BCL11B: variants seen among roughly 807,000 people sequenced by gnomAD.
The protein encoded by BCL11B is BCL11 transcription factor B, also known as B-cell lymphoma/leukemia 11B.
In BCL11B, 8 loss-of-function variants were observed where a neutral mutation model predicts 49.9. The ratio of observed to expected loss-of-function variants is 0.16; its 90% CI spans 0.09 to 0.29. The LOEUF (loss-of-function observed/expected upper bound fraction) is 0.29. Ranked by LOEUF, BCL11B falls within the 10% of genes least tolerant of loss-of-function variation. The pLI, the probability that BCL11B is intolerant of heterozygous loss-of-function variation, is 1.00. For missense variants in BCL11B, 1,006 were observed against 1,351.0 expected (o/e 0.74, Z 4.00); for synonymous variants, 739 against 637.4 (o/e 1.16, Z -2.40).
rs185481238 is a variant in BCL11B at position 99,192,074 on chromosome 14, G to A, written c.641-15879C>T. 3.3e-5 allele frequency among the ~76,000 whole-genome samples: 5 copies of A among 152,238 alleles called. No individual in the cohort carries two copies. The highest frequency in any genetic ancestry group is 2.1e-4 in the South Asian group (1 of 4,814). On this transcript the variant is annotated intron_variant, in intron 3 of 3. Transcript: ENST00000357195. The surrounding 1 kb of genome is among the most constrained non-coding windows in gnomAD (Gnocchi z 4.0). ...AGGCCTTCAAGAACGTGCTAGCTCC[G>A]GAATATTTTTAGAACAATCACTGGA...
At chr14:99,190,967 G>C (rs1887010290) in intron 3 of BCL11B, among the ~76,000 whole-genome samples, 1 of 152,126 alleles carries the variant, frequency 6.6e-6, no homozygotes, top group Non-Finnish European at 1.5e-5. Flanking sequence ...TATGCTTTGG[G>C]GGTAAAATCT....
intron 3 of BCL11B, among the ~76,000 whole-genome samples, chr14:99,218,519 C>T (rs1016054633): frequency 6.6e-6 from 1 of 152,152 alleles, no homozygotes; most frequent in Non-Finnish European, 1.5e-5. Flanking sequence ...AAGGGCCAGG[C>T]ATTTCAGAAT....
Position 99,247,725 on chromosome 14 carries a change from G to C in BCL11B, c.427+9746C>G, listed in dbSNP as rs1355663450. Among the ~76,000 whole-genome samples the C allele has an allele frequency of 6.6e-6, 1 of 152,226 alleles. No homozygotes were observed. The highest frequency in any genetic ancestry group is 6.5e-5 in the Admixed American group (1 of 15,286). The stretch of plus-strand genomic sequence containing the variant: ...GCTTCATCTGTGCCATATCACTAGA[G>C]GCACAGCCTAGGCACTGGGGCTACC... On this transcript the variant is annotated intron_variant, in intron 2 of 3. Transcript: ENST00000357195. The surrounding 1 kb of genome is among the most constrained non-coding windows in gnomAD (Gnocchi z 4.5).
rs563129614 is a variant in BCL11B at position 99,205,237 on chromosome 14, C to T, written c.640+26108G>A. 9.2e-5 allele frequency among the ~76,000 whole-genome samples: 14 copies of T among 152,078 alleles called. No individual in the cohort carries two copies. Among genetic ancestry groups the T allele is most frequent in the Non-Finnish European group, 1.8e-4 (12 of 68,002 alleles). ...AGAATTCTACAGCTGGTAGTGATGA[C>T]GGCTCCATCCTACCCGGCCATTTCT... On this transcript the variant is annotated intron_variant, in intron 3 of 3. Coordinates refer to ENST00000357195, the MANE Select transcript of BCL11B (RefSeq NM_138576.4). The surrounding 1 kb of genome is among the most constrained non-coding windows in gnomAD (Gnocchi z 5.0).
chr14:99,179,228 C>G (rs553995214), intron 3 of BCL11B, among the ~76,000 whole-genome samples: 1 of 152,270 alleles, frequency 6.6e-6, no homozygotes, highest in South Asian at 2.1e-4. Context: ...AATCCCAGCA[C>G]TTTGGGAGGC....
chr14:99,178,963 G>A (rs565431692), intron 3 of BCL11B, among the ~76,000 whole-genome samples: 2 of 152,164 alleles, frequency 1.3e-5, no homozygotes, highest in African/African-American at 4.8e-5. Flanking sequence ...TCTTGATCTG[G>A]GTGGCCACAG....
rs1566819908 is a variant in BCL11B at position 99,228,812 on chromosome 14, G to A, written c.640+2533C>T. On this transcript the variant is annotated intron_variant, in intron 3 of 3. Coordinates refer to ENST00000357195, the MANE Select transcript of BCL11B (RefSeq NM_138576.4). The surrounding 1 kb of genome is among the most constrained non-coding windows in gnomAD (Gnocchi z 4.8). ...TCCCTGTCCTCCCCACCACCAGACT[G>A]CAAGCTGCACGAGGGCAGGGACCTG... 6.6e-6 allele frequency among the ~76,000 whole-genome samples: 1 copy of A among 152,212 alleles called. No individual in the cohort carries two copies. The highest frequency in any genetic ancestry group is 1.5e-5 in the Non-Finnish European group (1 of 68,044).
chr14:99,173,107 C>A lies in BCL11B; in HGVS notation c.*1044G>T. The A allele has an allele frequency of 4.3e-6, 1 of 230,456 alleles. No individual in the cohort carries two copies. Among genetic ancestry groups the A allele is most frequent in the Non-Finnish European group, 8.6e-6 (1 of 116,344 alleles). 14.3% of individuals were successfully genotyped at this position (230,456 alleles called of 1,614,324 possible). A position where few individuals can be genotyped will look rare whatever the true frequency, so the allele number is the denominator to read the frequency against. ...GGGGTGATTTAAAAAAAGAGAGAAG[C>A]CGTCAAGCCAGAAAACGCCTAAAAG... On this transcript the variant is annotated 3_prime_UTR_variant, in exon 4 of 4. Transcript: ENST00000357195.
At position 99,174,586 on chromosome 14, in the gene BCL11B, C is replaced by T; in HGVS notation, c.2250G>A (p.Leu750=). 6.6e-7 allele frequency: 1 copy of T among 1,525,836 alleles called. No homozygotes were observed. The allele number at this position is 1,525,836 out of a possible 1,614,324, so 94.5% of individuals were successfully genotyped here. A position where few individuals can be genotyped will look rare whatever the true frequency, so the allele number is the denominator to read the frequency against. Residue 750 remains leucine (L), a synonymous_variant, in exon 4 of 4, where the codon CTG becomes CTA. Transcript: ENST00000357195. ...SSEHSSENGS[L]RFSTPPGDLL... is the part of the protein sequence containing the mutation. ...GGTCCCCGGGCGGCGTGGAGAAGCG[C>T]AGGCTGCCGTTCTCGGACGAGTGCT... is the stretch of plus-strand genomic sequence containing the variant.
At chr14:99,211,706 T>C (rs1167169823) in intron 3 of BCL11B, among the ~76,000 whole-genome samples, 1 of 152,092 alleles carries the variant, frequency 6.6e-6, no homozygotes, top group Admixed American at 6.5e-5. Flanking sequence ...TTCACGTGAA[T>C]GTGTGACTCT....
intron 2 of BCL11B, among the ~76,000 whole-genome samples, chr14:99,250,074 C>G (rs1430869267): frequency 7.3e-6 from 1 of 136,564 alleles, no homozygotes; most frequent in Non-Finnish European, 1.5e-5. Flanking sequence ...CTCCTTCTGT[C>G]GCCCAGGCTG....
At chr14:99,226,668 A>C (rs183630199) in intron 3 of BCL11B, among the ~76,000 whole-genome samples, 1 of 152,370 alleles carries the variant, frequency 6.6e-6, no homozygotes, top group African/African-American at 2.4e-5. Context: ...CATTAATTGC[A>C]TCAGGCTTCC....
In BCL11B at chr14:99,231,268, C is replaced by T; in HGVS notation, c.640+77G>A. 1 of 1,485,718 alleles carries T rather than the reference C, an allele frequency of 6.7e-7. No homozygotes were observed. Among genetic ancestry groups the T allele is most frequent in the Admixed American group, 2.1e-5 (1 of 47,824 alleles). 92.0% of individuals were successfully genotyped at this position (1,485,718 alleles called of 1,614,324 possible). On this transcript the variant is annotated intron_variant, in intron 3 of 3. Transcript: ENST00000357195. The surrounding 1 kb of genome is among the most constrained non-coding windows in gnomAD (Gnocchi z 8.1). ...GGAGCTGCCCTTCCTCCCTGGGTCC[C>T]CACCTTGCTCCAGCGCTGCCCATGG...
intron 3 of BCL11B, among the ~76,000 whole-genome samples, chr14:99,226,702 G>A (rs1888172202): frequency 6.6e-6 from 1 of 152,174 alleles, no homozygotes; most frequent in Non-Finnish European, 1.5e-5. Context: ...TCTAATCCAC[G>A]GCGCCCCATT....
intron 1 of BCL11B, among the ~76,000 whole-genome samples, chr14:99,267,536 G>T (rs1889518176): frequency 2.6e-5 from 1 of 38,422 alleles, no homozygotes. Context: ...AGAAGGGAGA[G>T]GAACTTCACC....
chr14:99,177,174 G>A (rs77604946), intron 3 of BCL11B, among the ~76,000 whole-genome samples: 2,898 of 152,068 alleles, frequency 0.019, 34 homozygotes, highest in Middle Eastern at 0.027. Context: ...CAGGGAAGGC[G>A]GGGGCACACT....
rs1245181161 is a variant in BCL11B at position 99,247,569 on chromosome 14, G to A, written c.427+9902C>T. 2.0e-5 allele frequency among the ~76,000 whole-genome samples: 3 copies of A among 152,204 alleles called. No individual in the cohort carries two copies. Reference sequence around the variant, plus strand: ...GTTGGCTGGCTACACTCTCCAGGAGGTGTGCTCTACCCTGAAAAAGGCTTT... The same window carrying A: ...GTTGGCTGGCTACACTCTCCAGGAGATGTGCTCTACCCTGAAAAAGGCTTT... On this transcript the variant is annotated intron_variant, in intron 2 of 3. Coordinates refer to ENST00000357195, the MANE Select transcript of BCL11B (RefSeq NM_138576.4). This position sits in a 1 kb window ranked among gnomAD's most constrained non-coding sequence, Gnocchi z 4.5.
chr14:99,243,411 C>G (rs1156350804), intron 2 of BCL11B, among the ~76,000 whole-genome samples: 1 of 152,228 alleles, frequency 6.6e-6, no homozygotes. Flanking sequence ...ACCCTGCCCC[C>G]ACGGACTGAA....
In BCL11B at chr14:99,192,893, ATGAG is replaced by A. The variant is rs1224342377; in HGVS notation, c.641-16702_641-16699del. The stretch of plus-strand genomic sequence containing the variant: ...AGTGAATGAATGAATGAATGAATGA[ATGAG>A]TGAATGAATGGATAAAAGAGTGAAT... On this transcript the variant is annotated intron_variant, in intron 3 of 3. Transcript: ENST00000357195. This position sits in a 1 kb window ranked among gnomAD's most constrained non-coding sequence, Gnocchi z 4.0. Among the ~76,000 whole-genome samples, 1 of 127,224 alleles carries A rather than the reference ATGAG, an allele frequency of 7.9e-6. No homozygotes were observed. Among genetic ancestry groups the A allele is most frequent in the Non-Finnish European group, 1.7e-5 (1 of 57,976 alleles). The allele number at this position is 127,224 out of a possible 152,430, so 83.5% of individuals were successfully genotyped here.
Sources: gnomAD v4.1 joint callset for allele counts (sites outside exome capture counted in the v4.1 genomes callset) on GRCh38, gnomAD v4.1.1 for gene constraint, Gnocchi (gnomAD v3.1) non-coding constraint, MANE v1.5 for transcripts, NCBI Gene and HGNC (gene_info 2026-07-23, HGNC 2026-07-21) for gene names.